The following KCNQ5 variants were observed in gnomAD, a reference collection of about 807,000 sequenced individuals.
KCNQ5 encodes potassium voltage-gated channel subfamily KQT member 5.
A neutral mutation model predicts 98.2 loss-of-function variants in KCNQ5; 30 were observed. The observed-to-expected ratio is 0.31, with a 90% CI of 0.23 to 0.41. The LOEUF is 0.41. KCNQ5 is among the 10% of genes least tolerant of loss of function. KCNQ5 has a pLI of 1.00. For missense variants in KCNQ5, 835 were observed against 1,182.5 expected, an observed-to-expected ratio of 0.71 and a Z score of 4.31; for synonymous variants, 458 against 449.4, an observed-to-expected ratio of 1.02 and a Z score of -0.24.
intron 11 of KCNQ5, among the ~76,000 whole-genome samples, chr6:73,178,996 G>T (rs539377724): frequency 6.6e-6 from 1 of 152,312 alleles, no homozygotes; most frequent in East Asian, 1.9e-4. Context: ...AGTGAGGGCT[G>T]CCTCAGGGGA....
chr6:72,965,542 A>G (rs867743510), intron 1 of KCNQ5, among the ~76,000 whole-genome samples: 3 of 152,282 alleles, frequency 2.0e-5, no homozygotes, highest in African/African-American at 7.2e-5. Context: ...TCAACATTTC[A>G]TCGTGAACTA....
chr6:72,855,984 A>G (rs1465625854), intron 1 of KCNQ5, among the ~76,000 whole-genome samples: 1 of 152,198 alleles, frequency 6.6e-6, no homozygotes, highest in East Asian at 1.9e-4. Flanking sequence ...AAAAATGAGA[A>G]GTTTTGTTTC....
intron 1 of KCNQ5, among the ~76,000 whole-genome samples, chr6:72,954,721 G>A (rs1417937957): frequency 6.6e-6 from 1 of 152,114 alleles, no homozygotes; most frequent in Non-Finnish European, 1.5e-5. Flanking sequence ...TTCTAGATAC[G>A]CAGCCCTTCC....
intron 10 of KCNQ5, chr6:73,157,570 A>G: frequency 1.3e-6 from 1 of 762,014 alleles, no homozygotes; most frequent in South Asian, 1.4e-5. Context: ...GAGGAAGGGA[A>G]CCAGCGCACC....
chr6:72,799,217 TG>T (rs1472009140), intron 1 of KCNQ5, among the ~76,000 whole-genome samples: 2 of 152,178 alleles, frequency 1.3e-5, no homozygotes, highest in East Asian at 3.8e-4. Flanking sequence ...CAGGAGCTGA[TG>T]CTGTAGTCCT....
At chr6:72,897,392 A>G (rs1413657131) in intron 1 of KCNQ5, among the ~76,000 whole-genome samples, 1 of 152,082 alleles carries the variant, frequency 6.6e-6, no homozygotes, top group Non-Finnish European at 1.5e-5. Flanking sequence ...GTACAAAAAA[A>G]TTAGCCGGGC....
chr6:72,936,038 T>C (rs1026890423), intron 1 of KCNQ5, among the ~76,000 whole-genome samples: 1 of 152,154 alleles, frequency 6.6e-6, no homozygotes, highest in African/African-American at 2.4e-5. Flanking sequence ...TCAAATCCCA[T>C]CTCTTCTGGT....
At chr6:72,865,982 T>C (rs1777961391) in intron 1 of KCNQ5, among the ~76,000 whole-genome samples, 1 of 152,296 alleles carries the variant, frequency 6.6e-6, no homozygotes, top group African/African-American at 2.4e-5. Flanking sequence ...ATTGAACATA[T>C]ACTATATCTT....
chr6:73,055,453 A>G (rs1582268241), intron 3 of KCNQ5: 2 of 1,546,998 alleles, frequency 1.3e-6, no homozygotes, highest in Non-Finnish European at 1.8e-6. Context: ...ATGATGTCCC[A>G]CCACCTCCGA....
chr6:73,028,937 T>C (rs1771010126), intron 2 of KCNQ5, among the ~76,000 whole-genome samples: 1 of 152,156 alleles, frequency 6.6e-6, no homozygotes, highest in African/African-American at 2.4e-5. Flanking sequence ...CAAGTTACTG[T>C]GGCAGATCAG....
intron 1 of KCNQ5, among the ~76,000 whole-genome samples, chr6:72,653,167 ATT>A (rs1304991146): frequency 2.0e-5 from 3 of 151,498 alleles, no homozygotes; most frequent in Non-Finnish European, 4.4e-5. Flanking sequence ...CATTTTCTGA[ATT>A]TTTCCATGTC....
At chr6:72,781,133 G>A (rs955662910) in intron 1 of KCNQ5, among the ~76,000 whole-genome samples, 3 of 152,120 alleles carry the variant, frequency 2.0e-5, no homozygotes, top group African/African-American at 4.8e-5. Context: ...CTAAGAGAGT[G>A]GGCCCTAAAT....
At chr6:73,097,477 C>G (rs945126941) in intron 5 of KCNQ5, among the ~76,000 whole-genome samples, 2 of 152,074 alleles carry the variant, frequency 1.3e-5, no homozygotes, top group Non-Finnish European at 2.9e-5. Flanking sequence ...AAGCCAATAG[C>G]TAACATTATA....
chr6:72,978,583 G>A (rs112744580), intron 1 of KCNQ5, among the ~76,000 whole-genome samples: 198 of 152,298 alleles, frequency 1.3e-3, no homozygotes, highest in African/African-American at 4.6e-3. Flanking sequence ...CCATTCCAAA[G>A]CCTCTTCTCA....
chr6:72,879,751 T>A (rs1447441577), intron 1 of KCNQ5, among the ~76,000 whole-genome samples: 2 of 151,984 alleles, frequency 1.3e-5, no homozygotes, highest in African/African-American at 2.4e-5. Context: ...TTTGGAGGGG[T>A]TTTTTTGTGT....
chr6:73,114,282 AAC>A (rs1775387977), intron 7 of KCNQ5, among the ~76,000 whole-genome samples: 1 of 152,156 alleles, frequency 6.6e-6, no homozygotes, highest in African/African-American at 2.4e-5. Flanking sequence ...TGGTCTGCTG[AAC>A]ACACAAACCA....
At chr6:72,644,439 CAT>C (rs774218868) in intron 1 of KCNQ5, among the ~76,000 whole-genome samples, 2 of 152,126 alleles carry the variant, frequency 1.3e-5, no homozygotes, top group Non-Finnish European at 2.9e-5. Context: ...TAGCTGGGAA[CAT>C]ATGTGAGAGG....
chr6:73,138,364 G>T (rs139836439), intron 10 of KCNQ5, among the ~76,000 whole-genome samples: 5 of 152,334 alleles, frequency 3.3e-5, no homozygotes, highest in Admixed American at 1.3e-4. Context: ...TGACTAGTTT[G>T]CTACGAAGGA....
chr6:72,801,022 T>C (rs1774620167), intron 1 of KCNQ5, among the ~76,000 whole-genome samples: 1 of 152,096 alleles, frequency 6.6e-6, no homozygotes, highest in African/African-American at 2.4e-5. Context: ...CTTTTACATT[T>C]GCTGAGGAGA....
Sources: gnomAD v4.1 joint callset for allele counts (sites outside exome capture counted in the v4.1 genomes callset) on GRCh38, gnomAD v4.1.1 for gene constraint, MANE v1.5 for transcripts, NCBI Gene and HGNC (gene_info 2026-07-23, HGNC 2026-07-21) for gene names.